SCAMP1: variants seen among roughly 807,000 people sequenced by gnomAD.
SCAMP1 encodes secretory carrier-associated membrane protein 1.
In SCAMP1, 15 loss-of-function variants were observed where a neutral mutation model predicts 41.8. The ratio of observed to expected loss-of-function variants is 0.36; its 90% CI spans 0.24 to 0.55. The LOEUF is 0.55. Ranked by LOEUF, SCAMP1 falls within the 20% of genes least tolerant of loss-of-function variation. SCAMP1 has a pLI of 0.86. For missense variants in SCAMP1, 341 were observed against 412.6 expected, an observed-to-expected ratio of 0.83 and a Z score of 1.50; for synonymous variants, 135 against 136.8, an observed-to-expected ratio of 0.99 and a Z score of 0.09.
chr5:78,388,487 A>T (rs1398741711), intron 1 of SCAMP1, among the ~76,000 whole-genome samples: 1 of 152,226 alleles, frequency 6.6e-6, no homozygotes, highest in Non-Finnish European at 1.5e-5. Context: ...GGGGAACGTG[A>T]ACTCTTTGTC....
chr5:78,385,695 A>G (rs1437737356), intron 1 of SCAMP1, among the ~76,000 whole-genome samples: 1 of 151,962 alleles, frequency 6.6e-6, no homozygotes, highest in African/African-American at 2.4e-5. Flanking sequence ...CTTGATGTTA[A>G]TGTTGACCCA....
chr5:78,471,633 C>T (rs1753885201), intron 8 of SCAMP1, among the ~76,000 whole-genome samples: 2 of 152,100 alleles, frequency 1.3e-5, no homozygotes, highest in African/African-American at 4.8e-5. Context: ...TTATTCTTTA[C>T]TTCCCACACG....
At chr5:78,419,499 T>A (rs752600149) in intron 5 of SCAMP1, among the ~76,000 whole-genome samples, 4 of 152,194 alleles carry the variant, frequency 2.6e-5, no homozygotes, top group Non-Finnish European at 5.9e-5. Flanking sequence ...TAATAACTCA[T>A]GGAATACTGA....
rs140562384 is a variant in SCAMP1 at position 78,443,966 on chromosome 5, T to A, written c.633-5967T>A. Among the ~76,000 whole-genome samples the A allele has an allele frequency of 4.4e-4, 67 of 152,224 alleles. 1 individual carries two copies. Among genetic ancestry groups the A allele is most frequent in the African/African-American group, 1.6e-3 (65 of 41,552 alleles). On this transcript the variant is annotated intron_variant, in intron 6 of 8. Coordinates refer to ENST00000621999, the MANE Select transcript of SCAMP1 (RefSeq NM_004866.6). The stretch of plus-strand genomic sequence containing the variant: ...CCATTGTGCCCAGCTCTTAATAGAT[T>A]TTAAGAGATAGACTCTATTATAAAT...
chr5:78,449,898 C>T, intron 6 of SCAMP1, 35 bp from the exon 7 acceptor site: 1 of 1,181,734 alleles, frequency 8.5e-7, no homozygotes. Flanking sequence ...TCCCCCTAAC[C>T]CCCTTTTTTC....
intron 6 of SCAMP1, among the ~76,000 whole-genome samples, chr5:78,433,815 G>A (rs1752679695): frequency 6.6e-6 from 1 of 152,092 alleles, no homozygotes; most frequent in Non-Finnish European, 1.5e-5. Flanking sequence ...TTCAGCCTCA[G>A]CCTTAGGCAG....
At chr5:78,413,990 G>C (rs1013684383) in intron 2 of SCAMP1, among the ~76,000 whole-genome samples, 1 of 146,310 alleles carries the variant, frequency 6.8e-6, no homozygotes, top group Admixed American at 6.8e-5. Context: ...TACTGTTTTT[G>C]CTTCTATTGT....
intron 2 of SCAMP1, among the ~76,000 whole-genome samples, chr5:78,414,851 A>G (rs1319510486): frequency 6.6e-6 from 1 of 152,164 alleles, no homozygotes; most frequent in Non-Finnish European, 1.5e-5. Context: ...TATACTCTTC[A>G]GAGCACTGGC....
At chr5:78,454,165 G>A (rs1387829606) in intron 7 of SCAMP1, among the ~76,000 whole-genome samples, 209 of 151,912 alleles carry the variant, frequency 1.4e-3, no homozygotes, top group African/African-American at 4.7e-3. Flanking sequence ...CTAATTGAAT[G>A]CCCTTTATTT....
At chr5:78,453,229 C>T (rs1051110499) in intron 7 of SCAMP1, among the ~76,000 whole-genome samples, 1 of 151,444 alleles carries the variant, frequency 6.6e-6, no homozygotes, top group African/African-American at 2.4e-5. Context: ...GTTGCCATTG[C>T]TTTTGGTGTT....
chr5:78,361,382 A>G (rs571755991), intron 1 of SCAMP1, among the ~76,000 whole-genome samples: 1 of 152,336 alleles, frequency 6.6e-6, no homozygotes, highest in Non-Finnish European at 1.5e-5. Context: ...TCTGGAAAAC[A>G]ATAGTGCACG....
intron 8 of SCAMP1, among the ~76,000 whole-genome samples, chr5:78,460,717 CTCTT>C (rs1017545073): frequency 6.8e-5 from 10 of 146,058 alleles, no homozygotes; most frequent in African/African-American, 2.2e-4. Flanking sequence ...TGTTTATTCT[CTCTT>C]TCTTTCTTTT....
In SCAMP1 at chr5:78,422,044, C is replaced by G. The variant is rs146320432; in HGVS notation, c.632+84C>G. The G allele has an allele frequency of 4.1e-4, 480 of 1,177,046 alleles. 1 individual carries two copies. The African/African-American group carries it at 6.6e-3, about 16-fold the overall frequency. 72.9% of individuals were successfully genotyped at this position (1,177,046 alleles called of 1,614,324 possible). On this transcript the variant is annotated intron_variant, in intron 6 of 8. Coordinates refer to ENST00000621999, the MANE Select transcript of SCAMP1 (RefSeq NM_004866.6). ...GTATACATTAAAGGGAAAATTGATG[C>G]ATTTTCATTAAAAAATTCTTGTATT...
At chr5:78,419,526 G>A (rs989061845) in intron 5 of SCAMP1, among the ~76,000 whole-genome samples, 3 of 152,146 alleles carry the variant, frequency 2.0e-5, no homozygotes, top group African/African-American at 4.8e-5. Flanking sequence ...ATGTCAAGCC[G>A]TTAACAGTTT....
intron 6 of SCAMP1, among the ~76,000 whole-genome samples, chr5:78,434,631 ATTT>A (rs1314195310): frequency 6.6e-6 from 1 of 151,914 alleles, no homozygotes; most frequent in Admixed American, 6.6e-5. Flanking sequence ...TTTTTAAAAA[ATTT>A]TTTAACATTT....
intron 2 of SCAMP1, among the ~76,000 whole-genome samples, chr5:78,409,279 A>C (rs915821504): frequency 6.6e-6 from 1 of 152,158 alleles, no homozygotes; most frequent in African/African-American, 2.4e-5. Context: ...TATTTAAATA[A>C]AATTTGGTCT....
At chr5:78,382,183 T>C (rs771244894) in intron 1 of SCAMP1, among the ~76,000 whole-genome samples, 3 of 152,168 alleles carry the variant, frequency 2.0e-5, no homozygotes, top group Non-Finnish European at 4.4e-5. Flanking sequence ...CTGTGTCTTA[T>C]TTGATTTTGA....
In SCAMP1 at chr5:78,394,290, A is replaced by T. The variant is rs562866614; in HGVS notation, c.135+5376A>T. 1.1e-3 allele frequency among the ~76,000 whole-genome samples: 161 copies of T among 152,308 alleles called. 2 individuals carry two copies. Among genetic ancestry groups the T allele is most frequent in the African/African-American group, 3.7e-3 (152 of 41,558 alleles). ...TTTAACCTAGGCCCTGTCACTAAGC[A>T]GTTGGTAACTTTAGGCAAACCATAT... On this transcript the variant is annotated intron_variant, in intron 2 of 8. Transcript: ENST00000621999.
rs144046986 is a variant in SCAMP1 at position 78,420,212 on chromosome 5, C to T, written c.472+1309C>T. The stretch of plus-strand genomic sequence containing the variant: ...CTGGGACTACAGGCACATGCCATCA[C>T]GCCTGGCTAATTTTTGTATTTTCAT... On this transcript the variant is annotated intron_variant, in intron 5 of 8. Coordinates refer to ENST00000621999, the MANE Select transcript of SCAMP1 (RefSeq NM_004866.6). 9.2e-3 allele frequency among the ~76,000 whole-genome samples: 1,406 copies of T among 152,204 alleles called. 9 individuals are homozygous for T. Among genetic ancestry groups the T allele is most frequent in the Non-Finnish European group, 0.012 (832 of 68,010 alleles).
Sources: allele counts gnomAD v4.1 joint callset (sites outside exome capture counted in the v4.1 genomes callset), GRCh38; gene constraint gnomAD v4.1.1; transcripts MANE v1.5; gene names NCBI Gene and HGNC (gene_info 2026-07-23, HGNC 2026-07-21).